Variants in TMEM242 observed in about 807,000 individuals in gnomAD.
The protein encoded by TMEM242 is transmembrane protein 242.
In TMEM242, 10 loss-of-function variants were observed where a neutral mutation model predicts 18.2. The observed-to-expected ratio is 0.55, with a 90% confidence interval of 0.34 to 0.93. TMEM242 has a LOEUF of 0.93. TMEM242 is among the 40% of genes least tolerant of loss of function. The probability of loss-of-function intolerance (pLI) is 0.02; values close to 1 mark genes in which losing one functional copy is unlikely to be tolerated. For synonymous variants in TMEM242, 57 were observed against 69.9 expected, an observed-to-expected ratio of 0.81 and a Z score of 0.92; for missense variants, 186 against 175.5, an observed-to-expected ratio of 1.06 and a Z score of -0.34.
At chr6:157,300,118 C>A in intron 3 of TMEM242, 2 of 635,404 alleles carry the variant, frequency 3.1e-6, no homozygotes, top group South Asian at 3.6e-5. Context: ...CAGACACAGT[C>A]CAACTCATGG....
In TMEM242 at chr6:157,289,295, C is replaced by T. The variant is rs1777653089; in HGVS notation, c.*3606G>A. ...CACTCATTATTACAGATTCATGTCACTGCTTGTGAGAGATGCTTGCTTTCC... is the reference window on the plus strand; with the variant it reads ...CACTCATTATTACAGATTCATGTCATTGCTTGTGAGAGATGCTTGCTTTCC... On this transcript the variant is annotated 3_prime_UTR_variant, in exon 4 of 4. Coordinates refer to ENST00000400788, the MANE Select transcript of TMEM242 (RefSeq NM_018452.6). The T allele has an allele frequency of 6.6e-6, 1 of 152,202 alleles. No homozygotes were observed. Among genetic ancestry groups the T allele is most frequent in the Admixed American group, 6.5e-5 (1 of 15,284 alleles). 9.4% of individuals were successfully genotyped at this position (152,202 alleles called of 1,614,324 possible).
intron 3 of TMEM242, 82 bp downstream of exon 3, chr6:157,318,700 T>A (rs1778446466): frequency 6.3e-7 from 1 of 1,575,028 alleles, no homozygotes; most frequent in Admixed American, 1.8e-5. Context: ...TACATGCAAA[T>A]AAATTTGAAA....
chr6:157,296,324 G>T (rs2128412811), intron 3 of TMEM242, among the ~76,000 whole-genome samples: 1 of 152,206 alleles, frequency 6.6e-6, no homozygotes, highest in East Asian at 1.9e-4. Context: ...CTATACTATG[G>T]ATAACAGGGT....
chr6:157,318,685 C>T (rs1778446165), intron 3 of TMEM242, 97 bp downstream of exon 3: 5 of 1,497,960 alleles, frequency 3.3e-6, no homozygotes, highest in Non-Finnish European at 4.6e-6. Flanking sequence ...AGACAGTGAC[C>T]AAACTACATG....
chr6:157,312,495 A>G (rs587604150), intron 3 of TMEM242, among the ~76,000 whole-genome samples: 10 of 149,236 alleles, frequency 6.7e-5, no homozygotes, highest in African/African-American at 2.3e-4. Flanking sequence ...ATAGTGTCCC[A>G]GTGTGCACTC....
rs1554250889 is a variant in TMEM242, at chr6:157,323,506, G to C, written c.-7C>G. ...CAGCGCCCGCTGTCTCCATGTTTAG[G>C]TCGCCTCTAGTGCGTCCGTCCCCAA... On this transcript the variant is annotated 5_prime_UTR_variant, in exon 1 of 4. Transcript: ENST00000400788. The C allele has an allele frequency of 6.2e-7, 1 of 1,613,280 alleles. No individual in the cohort carries two copies. Among genetic ancestry groups the C allele is most frequent in the Middle Eastern group, 1.7e-4 (1 of 6,054 alleles).
chr6:157,322,898 T>G lies in TMEM242; in HGVS notation c.89-93A>C, dbSNP rs587760481. On this transcript the variant is annotated intron_variant, in intron 1 of 3. Transcript: ENST00000400788. The stretch of plus-strand genomic sequence containing the variant: ...TACAAAAGTAAGTTTAAGATACTAT[T>G]CGAGTTACAATCAAAATCACTTTTG... 85 of 1,038,252 alleles carry G rather than the reference T, an allele frequency of 8.2e-5. 2 individuals carry two copies. In the South Asian group the frequency reaches 1.1e-3, roughly 13 times the overall value. 64.3% of individuals were successfully genotyped at this position (1,038,252 alleles called of 1,614,324 possible). A position where few individuals can be genotyped will look rare whatever the true frequency, so the allele number is the denominator to read the frequency against.
chr6:157,293,003 A>C lies in TMEM242; in HGVS notation c.328-4T>G. On this transcript the variant is annotated splice_polypyrimidine_tract_variant and splice_region_variant and intron_variant, in intron 3 of 3. Coordinates refer to ENST00000400788, the MANE Select transcript of TMEM242 (RefSeq NM_018452.6). ...TTTTACTTCGAAAGTCGTTCATCTAAAAGAAGAAAAATAATCAGTTATCAA... is the reference window on the plus strand; with the variant it reads ...TTTTACTTCGAAAGTCGTTCATCTACAAGAAGAAAAATAATCAGTTATCAA... The C allele has an allele frequency of 1.9e-6, 3 of 1,602,492 alleles. No individual in the cohort carries two copies. Among genetic ancestry groups the C allele is most frequent in the Non-Finnish European group, 2.6e-6 (3 of 1,169,636 alleles).
chr6:157,313,059 C>G (rs1554249592), intron 3 of TMEM242, among the ~76,000 whole-genome samples: 58 of 151,338 alleles, frequency 3.8e-4, no homozygotes, highest in African/African-American at 1.4e-3. Flanking sequence ...CACCTGGCCT[C>G]ATCATAGGGT....
chr6:157,309,578 A>G (rs1777964612), intron 3 of TMEM242, among the ~76,000 whole-genome samples: 1 of 152,090 alleles, frequency 6.6e-6, no homozygotes, highest in African/African-American at 2.4e-5. Context: ...TTTTGTAAAA[A>G]CAAGGTCTCG....
intron 3 of TMEM242, among the ~76,000 whole-genome samples, chr6:157,293,508 T>C (rs1459051999): frequency 6.6e-6 from 1 of 152,198 alleles, no homozygotes; most frequent in Non-Finnish European, 1.5e-5. Context: ...GAGGATGGGA[T>C]TTCTTTCTGA....
intron 3 of TMEM242, among the ~76,000 whole-genome samples, chr6:157,314,302 T>G (rs1778340007): frequency 6.6e-6 from 1 of 152,106 alleles, no homozygotes; most frequent in African/African-American, 2.4e-5. Context: ...CAGTGTGCAC[T>G]CACCTGGCCT....
intron 3 of TMEM242, among the ~76,000 whole-genome samples, chr6:157,311,367 TC>T (rs1778079499): frequency 1.3e-5 from 1 of 74,860 alleles, no homozygotes; most frequent in Admixed American, 1.5e-4. Context: ...CCTAGCCTCA[TC>T]ATAGTGTTCC....
intron 3 of TMEM242, among the ~76,000 whole-genome samples, chr6:157,296,473 G>A (rs587658275): frequency 2.5e-3 from 380 of 152,244 alleles, no homozygotes; most frequent in African/African-American, 8.8e-3. Context: ...GATCACTTGA[G>A]GCCAGGAATT....
chr6:157,311,344 C>T (rs1554248738), intron 3 of TMEM242, among the ~76,000 whole-genome samples: 12 of 132,284 alleles, frequency 9.1e-5, no homozygotes, highest in Non-Finnish European at 1.5e-4. Context: ...CATAGTGTCC[C>T]AGTGTGCGCT....
intron 3 of TMEM242, among the ~76,000 whole-genome samples, chr6:157,313,371 A>G (rs1554249733): frequency 8.3e-6 from 1 of 120,862 alleles, no homozygotes; most frequent in Non-Finnish European, 1.7e-5. Flanking sequence ...GCCTCATCAT[A>G]GTGCCTCAGT....
intron 3 of TMEM242, among the ~76,000 whole-genome samples, chr6:157,296,424 C>T (rs1195586408): frequency 6.6e-6 from 1 of 152,288 alleles, no homozygotes; most frequent in East Asian, 1.9e-4. Context: ...TGGTGGCTCA[C>T]GCCTGTAATC....
chr6:157,311,307 T>C (rs1361222481), intron 3 of TMEM242, among the ~76,000 whole-genome samples: 7 of 8,898 alleles, frequency 7.9e-4, no homozygotes, highest in Admixed American at 1.9e-3. Context: ...CATTATAGTG[T>C]CCCAGTGTGT....
At chr6:157,322,157 G>A (rs1283514502) in intron 2 of TMEM242, among the ~76,000 whole-genome samples, 1 of 152,176 alleles carries the variant, frequency 6.6e-6, no homozygotes, top group African/African-American at 2.4e-5. Context: ...TTGAGACAGA[G>A]TCTCGCTCTG....
Sources: allele counts gnomAD v4.1 joint callset (sites outside exome capture counted in the v4.1 genomes callset), GRCh38; gene constraint gnomAD v4.1.1; transcripts MANE v1.5; gene names NCBI Gene and HGNC (gene_info 2026-07-23, HGNC 2026-07-21).